The following XIRP2 variants were observed in gnomAD, a reference collection of about 807,000 sequenced individuals.
XIRP2 encodes the protein xin actin binding repeat containing 2.
XIRP2 carries 236 observed loss-of-function variants against 277.0 expected under a neutral mutation model. That is an observed-to-expected ratio of 0.85 (90% CI 0.77 to 0.95). The LOEUF is 0.95. Among genes scored for constraint, XIRP2 ranks in the 40% least tolerant of loss-of-function variants. XIRP2 has a pLI of 0.00. For synonymous variants in XIRP2, 1,490 were observed against 1,416.5 expected (o/e 1.05, Z -1.17); for missense variants, 4,640 against 4,157.5 (o/e 1.12, Z -3.19).
At chr2:167,201,083 G>A (rs1693671597) in intron 3 of XIRP2, among the ~76,000 whole-genome samples, 1 of 151,022 alleles carries the variant, frequency 6.6e-6, no homozygotes, top group Non-Finnish European at 1.5e-5. Context: ...CCGAGATCAT[G>A]CCACCGCACT....
chr2:166,941,137 A>G (rs1685700213), intron 2 of XIRP2, among the ~76,000 whole-genome samples: 2 of 152,222 alleles, frequency 1.3e-5, no homozygotes, highest in South Asian at 4.1e-4. Context: ...CTCAAGCCTC[A>G]TCAATGGCGG....
intron 5 of XIRP2, among the ~76,000 whole-genome samples, chr2:167,227,367 T>C (rs967241157): frequency 1.3e-5 from 2 of 152,134 alleles, no homozygotes; most frequent in African/African-American, 2.4e-5. Context: ...GGTGGTAGAC[T>C]ATATTGAAAT....
intron 2 of XIRP2, among the ~76,000 whole-genome samples, chr2:167,084,575 G>C (rs1182889099): frequency 1.7e-4 from 26 of 151,586 alleles, no homozygotes; most frequent in South Asian, 8.4e-4. Flanking sequence ...TGGTCCTGGA[G>C]TCTTTTTGGT....
intron 2 of XIRP2, among the ~76,000 whole-genome samples, chr2:167,087,812 C>T (rs1189866166): frequency 1.3e-5 from 2 of 151,826 alleles, no homozygotes; most frequent in Admixed American, 6.6e-5. Flanking sequence ...GCGCACGGTG[C>T]GTGCACCCAC....
chr2:166,900,327 G>A (rs376199648), intron 1 of XIRP2, among the ~76,000 whole-genome samples: 12 of 151,598 alleles, frequency 7.9e-5, no homozygotes, highest in East Asian at 2.0e-4. Context: ...ATTTTAATTC[G>A]TTTCTTCTTT....
intron 3 of XIRP2, among the ~76,000 whole-genome samples, chr2:167,139,557 C>G (rs1691652048): frequency 6.6e-6 from 1 of 152,172 alleles, no homozygotes; most frequent in Non-Finnish European, 1.5e-5. Context: ...TTCATCTCCT[C>G]TGACGGGTTT....
intron 2 of XIRP2, among the ~76,000 whole-genome samples, chr2:167,122,177 C>G (rs1228605551): frequency 6.6e-6 from 1 of 152,140 alleles, no homozygotes; most frequent in African/African-American, 2.4e-5. Context: ...AACAGTCTTT[C>G]TTCAGAGAAT....
chr2:167,220,434 G>A lies in XIRP2; in HGVS notation c.858+2134G>A, dbSNP rs535121106. Among the ~76,000 whole-genome samples the A allele has an allele frequency of 2.6e-5, 4 of 152,326 alleles. No individual in the cohort carries two copies. The East Asian group carries it at 5.8e-4, about 22-fold the overall frequency. On this transcript the variant is annotated intron_variant, in intron 5 of 10. Transcript: ENST00000409195. ...CATGGATTTGTTTAGAAGAATAAATGATTTAGTATTTGTGAAGTGCTTAAC... is the reference window on the plus strand; with the variant it reads ...CATGGATTTGTTTAGAAGAATAAATAATTTAGTATTTGTGAAGTGCTTAAC...
chr2:167,109,901 A>C (rs1277205484), intron 2 of XIRP2, among the ~76,000 whole-genome samples: 1 of 151,860 alleles, frequency 6.6e-6, no homozygotes, highest in Non-Finnish European at 1.5e-5. Context: ...TTGTGGTTTT[A>C]ATTTGCATGT....
At chr2:166,940,441 C>T (rs1346065466) in intron 2 of XIRP2, among the ~76,000 whole-genome samples, 1 of 152,224 alleles carries the variant, frequency 6.6e-6, no homozygotes, top group African/African-American at 2.4e-5. Context: ...CTTCTTCTCT[C>T]AACTCTTCAA....
Position 167,025,071 on chromosome 2 carries a change from A to G in XIRP2, c.409-110838A>G, listed in dbSNP as rs530505816. Among the ~76,000 whole-genome samples the G allele has an allele frequency of 7.9e-5, 12 of 152,140 alleles. No homozygotes were observed. The South Asian group carries it at 2.5e-3, about 32-fold the overall frequency. On this transcript the variant is annotated intron_variant, in intron 2 of 10. Coordinates refer to ENST00000409195, the MANE Select transcript of XIRP2 (RefSeq NM_152381.6). ...TACCTCTGGTAGAATTCGGCTGTGA[A>G]TCCATCTGGTCCTGGACTCTTTACG...
At chr2:167,239,766 T>TC in intron 5 of XIRP2, 89 bp from the exon 6 acceptor site, 1 of 1,113,576 alleles carries the variant, frequency 9.0e-7, no homozygotes, top group East Asian at 2.6e-5. Flanking sequence ...TCATTTTTTT[T>TC]CAGAAATTGT....
At chr2:167,190,759 T>A (rs1693305647) in intron 3 of XIRP2, among the ~76,000 whole-genome samples, 2 of 152,038 alleles carry the variant, frequency 1.3e-5, no homozygotes, top group South Asian at 4.2e-4. Flanking sequence ...CGTGTATGAG[T>A]TTTTCACAAC....
intron 2 of XIRP2, among the ~76,000 whole-genome samples, chr2:166,908,459 GTTGT>G (rs1297333981): frequency 1.3e-5 from 2 of 152,014 alleles, no homozygotes; most frequent in South Asian, 2.1e-4. Flanking sequence ...TTTTGATGGG[GTTGT>G]TTGTTTTTTT....
At chr2:167,254,270 G>A (rs964470886) in intron 10 of XIRP2, 105 bp downstream of exon 10, 26 of 1,276,506 alleles carry the variant, frequency 2.0e-5, no homozygotes, top group Middle Eastern at 2.9e-4. Context: ...TTGTTGCTGC[G>A]TCAGTTAACA....
chr2:167,191,227 A>C (rs960881142), intron 3 of XIRP2, among the ~76,000 whole-genome samples: 7 of 150,322 alleles, frequency 4.7e-5, no homozygotes, highest in African/African-American at 7.3e-5. Flanking sequence ...GAAAGAAAAG[A>C]AAAGAAAAGA....
In XIRP2 at chr2:167,108,833, G is replaced by GTT. The variant is rs112985241; in HGVS notation, c.409-27067_409-27066dup. On this transcript the variant is annotated intron_variant, in intron 2 of 10. Transcript: ENST00000409195. The stretch of plus-strand genomic sequence containing the variant: ...GTGTTTCTTGGGAGGGTTTTGTTGT[G>GTT]TTTTTTTTTTGGTTTGAATAAGTCT... Among the ~76,000 whole-genome samples the GTT allele has an allele frequency of 8.3e-5, 12 of 144,800 alleles. No homozygotes were observed. The South Asian group carries it at 2.7e-3, about 32-fold the overall frequency. 95.0% of individuals were successfully genotyped at this position (144,800 alleles called of 152,430 possible). A position where few individuals can be genotyped will look rare whatever the true frequency, so the allele number is the denominator to read the frequency against.
intron 3 of XIRP2, among the ~76,000 whole-genome samples, chr2:167,165,294 C>A (rs761928067): frequency 6.6e-6 from 1 of 152,148 alleles, no homozygotes; most frequent in African/African-American, 2.4e-5. Context: ...CATATGTAAA[C>A]CTGCTATGAA....
chr2:167,056,787 T>A (rs1166943729), intron 2 of XIRP2, among the ~76,000 whole-genome samples: 1 of 152,200 alleles, frequency 6.6e-6, no homozygotes, highest in Non-Finnish European at 1.5e-5. Flanking sequence ...TTAATGCAGA[T>A]GTCTCCTCCA....
Sources: gnomAD v4.1 joint callset for allele counts (sites outside exome capture counted in the v4.1 genomes callset) on GRCh38, gnomAD v4.1.1 for gene constraint, MANE v1.5 for transcripts, NCBI Gene and HGNC (gene_info 2026-07-23, HGNC 2026-07-21) for gene names.